The following TTC29 variants were observed in gnomAD, a reference collection of about 807,000 sequenced individuals.
The protein encoded by TTC29 is tetratricopeptide repeat domain 29, also known as tetratricopeptide repeat protein 29.
A neutral mutation model predicts 58.1 loss-of-function variants in TTC29; 49 were observed. That is an observed-to-expected ratio of 0.84 (90% CI 0.67 to 1.07). The LOEUF is 1.07. Among genes scored for constraint, TTC29 ranks in the 50% least tolerant of loss-of-function variants. The pLI is 0.00. For synonymous variants in TTC29, 209 were observed against 196.8 expected (o/e 1.06, Z -0.52); for missense variants, 582 against 555.6 (o/e 1.05, Z -0.48).
At chr4:146,879,004 G>A (rs1393282400) in intron 6 of TTC29, among the ~76,000 whole-genome samples, 1 of 152,070 alleles carries the variant, frequency 6.6e-6, no homozygotes, top group Non-Finnish European at 1.5e-5. Flanking sequence ...GGTCAGTGGG[G>A]TCCTGATTAG....
chr4:146,710,162 G>T (rs1742375578), intron 11 of TTC29, among the ~76,000 whole-genome samples: 1 of 152,124 alleles, frequency 6.6e-6, no homozygotes, highest in Non-Finnish European at 1.5e-5. Context: ...TGATGTTGTT[G>T]TACAAACATC....
intron 11 of TTC29, among the ~76,000 whole-genome samples, chr4:146,781,669 C>T (rs556910480): frequency 6.6e-6 from 1 of 151,900 alleles, no homozygotes; most frequent in African/African-American, 2.4e-5. Flanking sequence ...AAGTAAGGCT[C>T]ACTAACATAC....
At chr4:146,749,297 T>A (rs564269985) in intron 11 of TTC29, among the ~76,000 whole-genome samples, 1 of 151,766 alleles carries the variant, frequency 6.6e-6, no homozygotes, top group South Asian at 2.1e-4. Context: ...GGTGACAGAG[T>A]AAGACCCTGT....
intron 5 of TTC29, among the ~76,000 whole-genome samples, 192 bp downstream of exon 5, chr4:146,908,834 C>T (rs965743159): frequency 2.0e-5 from 3 of 152,182 alleles, no homozygotes; most frequent in African/African-American, 7.2e-5. Flanking sequence ...CACCAGAATG[C>T]CCCCGTGTCT....
In TTC29 at chr4:146,831,071, G is replaced by A. The variant is rs923690920; in HGVS notation, c.977+2735C>T. Among the ~76,000 whole-genome samples, 6 of 152,110 alleles carry A rather than the reference G, an allele frequency of 3.9e-5. No homozygotes were observed. In the South Asian group the frequency reaches 6.2e-4, roughly 16 times the overall value. On this transcript the variant is annotated intron_variant, in intron 9 of 12. Transcript: ENST00000325106. ...GTACTCCTCTATAACCAACAACAAT[G>A]CTGCAAAATCACAGATTTGGATTGG...
intron 11 of TTC29, among the ~76,000 whole-genome samples, chr4:146,800,751 T>A (rs1750158435): frequency 6.6e-6 from 1 of 152,218 alleles, no homozygotes; most frequent in Non-Finnish European, 1.5e-5. Flanking sequence ...TCAACAAATA[T>A]TTACTTGGTA....
intron 10 of TTC29, among the ~76,000 whole-genome samples, chr4:146,813,600 C>T (rs923500061): frequency 6.6e-6 from 1 of 151,968 alleles, no homozygotes; most frequent in Non-Finnish European, 1.5e-5. Context: ...AATTACAATA[C>T]CTTGCAGGAG....
chr4:146,727,799 T>C (rs555548809), intron 11 of TTC29, among the ~76,000 whole-genome samples: 2 of 152,358 alleles, frequency 1.3e-5, no homozygotes, highest in African/African-American at 4.8e-5. Context: ...AAAGCTGCTA[T>C]AAAATTAGTG....
chr4:146,907,928 T>TCATA (rs1409336346), intron 5 of TTC29, among the ~76,000 whole-genome samples: 2 of 152,178 alleles, frequency 1.3e-5, no homozygotes, highest in Non-Finnish European at 1.5e-5. Context: ...GAAACCCTTT[T>TCATA]CATAATATAC....
intron 11 of TTC29, among the ~76,000 whole-genome samples, chr4:146,779,570 G>A (rs1307816620): frequency 6.6e-6 from 1 of 151,992 alleles, no homozygotes; most frequent in Non-Finnish European, 1.5e-5. Context: ...TAAATATTTT[G>A]AGTAAAAGAG....
chr4:146,801,214 T>C (rs1750194790), intron 11 of TTC29, among the ~76,000 whole-genome samples: 1 of 152,148 alleles, frequency 6.6e-6, no homozygotes, highest in Non-Finnish European at 1.5e-5. Flanking sequence ...AGAGTTGTGG[T>C]TCAAGAAGTA....
intron 6 of TTC29, among the ~76,000 whole-genome samples, chr4:146,903,283 C>G (rs770621478): frequency 6.6e-6 from 1 of 152,076 alleles, no homozygotes; most frequent in East Asian, 1.9e-4. Flanking sequence ...AATGCTTTCT[C>G]TTGGTGAGGA....
At chr4:146,863,292 C>G (rs1028201398) in intron 8 of TTC29, among the ~76,000 whole-genome samples, 1 of 152,246 alleles carries the variant, frequency 6.6e-6, no homozygotes, top group Admixed American at 6.5e-5. Context: ...ATGAAACCAT[C>G]TATTCTATGT....
chr4:146,765,236 A>G (rs1007363486), intron 11 of TTC29, among the ~76,000 whole-genome samples: 2 of 152,156 alleles, frequency 1.3e-5, no homozygotes. Flanking sequence ...TAAATCCTCA[A>G]TATAAAAAAG....
intron 11 of TTC29, among the ~76,000 whole-genome samples, chr4:146,719,524 G>T (rs369993040): frequency 2.6e-5 from 4 of 152,138 alleles, no homozygotes; most frequent in African/African-American, 9.7e-5. Flanking sequence ...AGTGTATAGC[G>T]TTAGGCTTGG....
intron 8 of TTC29, 85 bp from the exon 9 acceptor site, chr4:146,833,982 AAT>A: frequency 1.1e-6 from 1 of 936,132 alleles, no homozygotes. Flanking sequence ...AAATAAAATT[AAT>A]AGTTGGTTTT....
intron 11 of TTC29, chr4:146,763,984 T>C (rs1440389061): frequency 6.6e-6 from 1 of 152,118 alleles, no homozygotes; most frequent in Non-Finnish European, 1.5e-5. Context: ...GGACAATGAC[T>C]GCACCTACCT....
At chr4:146,819,046 G>A (rs1466278535) in intron 10 of TTC29, among the ~76,000 whole-genome samples, 14 of 151,012 alleles carry the variant, frequency 9.3e-5, no homozygotes, top group African/African-American at 1.5e-4. Flanking sequence ...CATGGCACAC[G>A]TATACATATG....
At chr4:146,865,413 C>T (rs1730499218) in intron 8 of TTC29, among the ~76,000 whole-genome samples, 4 of 152,090 alleles carry the variant, frequency 2.6e-5, no homozygotes, top group African/African-American at 9.7e-5. Flanking sequence ...AAGGCTTGTC[C>T]AAATTAACAC....
Sources: allele counts gnomAD v4.1 joint callset (sites outside exome capture counted in the v4.1 genomes callset), GRCh38; gene constraint gnomAD v4.1.1; transcripts MANE v1.5; gene names NCBI Gene and HGNC (gene_info 2026-07-23, HGNC 2026-07-21).